NIBAN1: variants seen among roughly 807,000 people sequenced by gnomAD.
NIBAN1 encodes protein Niban 1.
A neutral mutation model predicts 75.1 loss-of-function variants in NIBAN1; 81 were observed. The observed-to-expected ratio is 1.08, with a 90% CI of 0.90 to 1.30. NIBAN1 has a LOEUF of 1.30. Among genes scored for constraint, NIBAN1 ranks in the 50% most tolerant of loss-of-function variants. The probability of loss-of-function intolerance (pLI) is 0.00; values close to 1 mark genes in which losing one functional copy is unlikely to be tolerated. For synonymous variants in NIBAN1, 436 were observed against 424.8 expected, an observed-to-expected ratio of 1.03 and a Z score of -0.32; for missense variants, 1,133 against 1,128.1, an observed-to-expected ratio of 1.00 and a Z score of -0.06.
intron 9 of NIBAN1, among the ~76,000 whole-genome samples, chr1:184,809,153 G>A (rs1472432624): frequency 6.6e-6 from 1 of 152,090 alleles, no homozygotes; most frequent in African/African-American, 2.4e-5. Flanking sequence ...AGATAATCTA[G>A]ATTTCTAGAT....
At chr1:184,937,035 C>A (rs139834572) in intron 1 of NIBAN1, among the ~76,000 whole-genome samples, 17 of 151,952 alleles carry the variant, frequency 1.1e-4, no homozygotes, top group African/African-American at 3.9e-4. Context: ...CTTCCTTATA[C>A]GGGCGCATTT....
At chr1:184,868,112 G>T in intron 5 of NIBAN1, 1 of 926,984 alleles carries the variant, frequency 1.1e-6, no homozygotes, top group Non-Finnish European at 1.3e-6. Context: ...TGGGTGCTTT[G>T]CTTTCATTGC....
chr1:184,808,833 C>T (rs1654284475), intron 9 of NIBAN1, among the ~76,000 whole-genome samples: 1 of 152,148 alleles, frequency 6.6e-6, no homozygotes, highest in Admixed American at 6.5e-5. Flanking sequence ...GAACTGGGGT[C>T]CCTCCTACTC....
chr1:184,963,891 A>G (rs1283626894), intron 1 of NIBAN1, among the ~76,000 whole-genome samples: 1 of 152,202 alleles, frequency 6.6e-6, no homozygotes, highest in Non-Finnish European at 1.5e-5. Flanking sequence ...TTTTCATGAA[A>G]TTAACAGTTT....
At chr1:184,969,094 C>A (rs550650423) in intron 1 of NIBAN1, among the ~76,000 whole-genome samples, 1 of 152,316 alleles carries the variant, frequency 6.6e-6, no homozygotes, top group African/African-American at 2.4e-5. Context: ...TACATACTCC[C>A]ATTTAGTTGC....
intron 1 of NIBAN1, among the ~76,000 whole-genome samples, chr1:184,913,185 T>A (rs1334360668): frequency 8.9e-6 from 1 of 112,986 alleles, no homozygotes; most frequent in Non-Finnish European, 1.9e-5. Context: ...ACCATGCAGG[T>A]ATATATATAT....
In NIBAN1 at chr1:184,974,353, C is replaced by T; in HGVS notation, c.4G>A (p.Gly2Ser). The T allele has an allele frequency of 6.4e-7, 1 of 1,559,606 alleles. No homozygotes were observed. The highest frequency in any genetic ancestry group is 8.6e-7 in the Non-Finnish European group (1 of 1,159,562). ...TCCAGCTGGCTGGAGGCTGAGCCGC[C>T]CATGACCGCGAGCTGCCTGTGCTGA... is the stretch of plus-strand genomic sequence containing the variant. M[G>S]GSASSQLDEG... The change falls in exon 1 of 14, where the codon GGC (glycine) becomes AGC (serine). Residue 2 changes from glycine to serine, a missense_variant. Physicochemically the swap from Gly to Ser is moderately conservative, Grantham distance 56 (BLOSUM62 0). Transcript: ENST00000367511.
intron 1 of NIBAN1, among the ~76,000 whole-genome samples, chr1:184,903,216 C>T (rs1656998510): frequency 6.6e-6 from 1 of 152,218 alleles, no homozygotes; most frequent in African/African-American, 2.4e-5. Flanking sequence ...GATTCTTCCA[C>T]ATTTTGATAT....
chr1:184,968,473 C>T (rs1658855917), intron 1 of NIBAN1, among the ~76,000 whole-genome samples: 1 of 152,120 alleles, frequency 6.6e-6, no homozygotes, highest in South Asian at 2.1e-4. Context: ...GATCAATATG[C>T]ATTTGTGCAC....
chr1:184,803,770 C>A, intron 11 of NIBAN1, 78 bp from the exon 12 acceptor site: 1 of 1,189,016 alleles, frequency 8.4e-7, no homozygotes, highest in East Asian at 2.3e-5. Flanking sequence ...CTCAGCCACC[C>A]ACTTCACCTC....
intron 9 of NIBAN1, among the ~76,000 whole-genome samples, chr1:184,815,241 C>A (rs1654494071): frequency 6.6e-6 from 1 of 152,154 alleles, no homozygotes. Context: ...GTATTTTCCC[C>A]AGGTAAAGAA....
intron 5 of NIBAN1, among the ~76,000 whole-genome samples, chr1:184,843,043 T>C (rs1192145132): frequency 6.6e-6 from 1 of 152,196 alleles, no homozygotes; most frequent in Non-Finnish European, 1.5e-5. Flanking sequence ...TTAACACAAA[T>C]GAACCCTCGC....
At position 184,846,950 on chromosome 1, in the gene NIBAN1, G is replaced by C. The variant is rs1451814326; in HGVS notation, c.602-14988C>G. ...AAAAGAATAAAAAGAAATGAGCAAA[G>C]CCTCCAAGAAATATGGGACTATGTG... On this transcript the variant is annotated intron_variant, in intron 5 of 13. Coordinates refer to ENST00000367511, the MANE Select transcript of NIBAN1 (RefSeq NM_052966.4). Among the ~76,000 whole-genome samples, 2 of 80,952 alleles carry C rather than the reference G, an allele frequency of 2.5e-5. 1 individual carries two copies. Among genetic ancestry groups the C allele is most frequent in the Non-Finnish European group, 4.8e-5 (2 of 41,360 alleles). 53.1% of individuals were successfully genotyped at this position (80,952 alleles called of 152,430 possible). A position where few individuals can be genotyped will look rare whatever the true frequency, so the allele number is the denominator to read the frequency against.
At chr1:184,901,327 G>T (rs895750728) in intron 1 of NIBAN1, among the ~76,000 whole-genome samples, 2 of 152,058 alleles carry the variant, frequency 1.3e-5, no homozygotes, top group Non-Finnish European at 1.5e-5. Flanking sequence ...TTTGAATCAG[G>T]CATGCTTTTG....
Position 184,904,497 on chromosome 1 carries a change from G to A in NIBAN1, c.56-5188C>T, listed in dbSNP as rs552536550. On this transcript the variant is annotated intron_variant, in intron 1 of 13. Coordinates refer to ENST00000367511, the MANE Select transcript of NIBAN1 (RefSeq NM_052966.4). Reference sequence around the variant, plus strand: ...CCTTTGAAGCCATTAACTCTATACAGGCTCAAAAACTCAGCATTCATTTGA... The same window carrying A: ...CCTTTGAAGCCATTAACTCTATACAAGCTCAAAAACTCAGCATTCATTTGA... 5.8e-4 allele frequency among the ~76,000 whole-genome samples: 89 copies of A among 152,228 alleles called. 1 individual carries two copies. The highest frequency in any genetic ancestry group is 6.8e-3 in the Middle Eastern group (2 of 294).
At chr1:184,963,056 G>C (rs1446229421) in intron 1 of NIBAN1, among the ~76,000 whole-genome samples, 3 of 151,464 alleles carry the variant, frequency 2.0e-5, no homozygotes, top group African/African-American at 7.3e-5. Context: ...AATGCAAGTG[G>C]TAAAGTAAGA....
At chr1:184,911,017 A>G (rs1275716756) in intron 1 of NIBAN1, among the ~76,000 whole-genome samples, 1 of 151,814 alleles carries the variant, frequency 6.6e-6, no homozygotes, top group African/African-American at 2.4e-5. Flanking sequence ...CAGACCTTGG[A>G]CTTGTCAGTC....
At chr1:184,799,587 T>G (rs1276854561) in intron 12 of NIBAN1, among the ~76,000 whole-genome samples, 1 of 142,076 alleles carries the variant, frequency 7.0e-6, no homozygotes, top group African/African-American at 2.6e-5. Flanking sequence ...CAAATGGTAT[T>G]TCTAGTTCTA....
At chr1:184,919,877 A>T (rs990821217) in intron 1 of NIBAN1, among the ~76,000 whole-genome samples, 1 of 151,926 alleles carries the variant, frequency 6.6e-6, no homozygotes, top group African/African-American at 2.4e-5. Context: ...CAGGCAATCA[A>T]AAGTACCTTC....
Sources: gnomAD v4.1 joint callset for allele counts (sites outside exome capture counted in the v4.1 genomes callset) on GRCh38, gnomAD v4.1.1 for gene constraint, MANE v1.5 for transcripts, NCBI Gene and HGNC (gene_info 2026-07-23, HGNC 2026-07-21) for gene names.